RASGRF2: variants seen among roughly 807,000 people sequenced by gnomAD.
RASGRF2 encodes the protein Ras protein specific guanine nucleotide releasing factor 2.
Under a neutral mutation model 151.0 loss-of-function variants are expected in RASGRF2, and 76 were observed. The observed-to-expected ratio is 0.50, with a 90% confidence interval of 0.42 to 0.61. The LOEUF (loss-of-function observed/expected upper bound fraction) is 0.61, where lower values mean the gene tolerates loss of function less well. Among genes scored for constraint, RASGRF2 ranks in the 20% least tolerant of loss-of-function variants. RASGRF2 has a pLI of 0.00. For missense variants in RASGRF2, 1,148 were observed against 1,564.6 expected (o/e 0.73, Z 4.49); for synonymous variants, 504 against 566.5 (o/e 0.89, Z 1.57).
intron 2 of RASGRF2, among the ~76,000 whole-genome samples, chr5:81,063,152 G>A (rs1052125959): frequency 2.0e-5 from 3 of 152,078 alleles, no homozygotes; most frequent in African/African-American, 7.2e-5. Flanking sequence ...TTACCAAGAT[G>A]TATCAGAGTA....
At chr5:81,212,214 CTT>C in intron 22 of RASGRF2, 150 bp from the exon 23 acceptor site, 1 of 573,112 alleles carries the variant, frequency 1.7e-6, no homozygotes, top group Non-Finnish European at 3.1e-6. Flanking sequence ...ACTTTAGTCT[CTT>C]TAGAAAGTTG....
intron 18 of RASGRF2, among the ~76,000 whole-genome samples, chr5:81,197,319 G>A (rs1027648240): frequency 2.0e-5 from 3 of 150,960 alleles, no homozygotes; most frequent in East Asian, 1.9e-4. Flanking sequence ...AGCCGGGCGC[G>A]GTGGCGGGCG....
At chr5:81,016,420 T>G (rs1327167517) in intron 1 of RASGRF2, among the ~76,000 whole-genome samples, 1 of 152,236 alleles carries the variant, frequency 6.6e-6, no homozygotes, top group Non-Finnish European at 1.5e-5. Flanking sequence ...AAGAGCAACT[T>G]AATATATTAA....
intron 1 of RASGRF2, among the ~76,000 whole-genome samples, chr5:80,980,759 G>A (rs757961427): frequency 6.6e-6 from 1 of 152,204 alleles, no homozygotes; most frequent in Non-Finnish European, 1.5e-5. Context: ...TGTTCTAACT[G>A]TGATGTTTAG....
In RASGRF2 at chr5:81,003,254, A is replaced by C. The variant is rs560339575; in HGVS notation, c.289-39623A>C. Among the ~76,000 whole-genome samples, 48 of 119,806 alleles carry C rather than the reference A, an allele frequency of 4.0e-4. 1 individual carries two copies. In the East Asian group the frequency reaches 0.01, roughly 26 times the overall value. 78.6% of individuals were successfully genotyped at this position (119,806 alleles called of 152,430 possible). A position where few individuals can be genotyped will look rare whatever the true frequency, so the allele number is the denominator to read the frequency against. On this transcript the variant is annotated intron_variant, in intron 1 of 26. Coordinates refer to ENST00000265080, the MANE Select transcript of RASGRF2 (RefSeq NM_006909.3). ...TTTTTTTTTTTTGAGACGGAGTCTC[A>C]CTCTGTCGCCCAGGCTGGAGTGCAA...
intron 18 of RASGRF2, among the ~76,000 whole-genome samples, chr5:81,189,670 T>TAAA (rs1755111838): frequency 6.6e-6 from 1 of 150,806 alleles, no homozygotes; most frequent in African/African-American, 2.4e-5. Flanking sequence ...CAGATAATTT[T>TAAA]ATACAATCAC....
At chr5:81,104,371 C>T (rs995611167) in intron 12 of RASGRF2, among the ~76,000 whole-genome samples, 7 of 151,806 alleles carry the variant, frequency 4.6e-5, no homozygotes, top group Non-Finnish European at 8.8e-5. Flanking sequence ...GTCCTATATT[C>T]GTGAAGAGAG....
At chr5:81,015,448 A>G (rs769865830) in intron 1 of RASGRF2, among the ~76,000 whole-genome samples, 5 of 151,942 alleles carry the variant, frequency 3.3e-5, no homozygotes, top group Non-Finnish European at 5.9e-5. Context: ...CAGCTCAAAG[A>G]GCTATTTATA....
At chr5:81,159,365 T>C (rs1754330291) in intron 17 of RASGRF2, among the ~76,000 whole-genome samples, 2 of 152,256 alleles carry the variant, frequency 1.3e-5, no homozygotes, top group African/African-American at 4.8e-5. Context: ...TATGAATGCA[T>C]AGCTGTAGCT....
At chr5:80,994,442 T>C (rs1164899828) in intron 1 of RASGRF2, among the ~76,000 whole-genome samples, 1 of 151,096 alleles carries the variant, frequency 6.6e-6, no homozygotes, top group African/African-American at 2.4e-5. Context: ...CAAACAGAAA[T>C]GACGAGCTGA....
chr5:81,121,180 A>G (rs1753298879), intron 15 of RASGRF2, among the ~76,000 whole-genome samples: 1 of 152,168 alleles, frequency 6.6e-6, no homozygotes, highest in Non-Finnish European at 1.5e-5. Context: ...TTGAGTTGAC[A>G]AAGAAAAAGG....
chr5:81,021,532 G>T lies in RASGRF2; in HGVS notation c.289-21345G>T, dbSNP rs530321231. Reference sequence around the variant, plus strand: ...TAAAATAGTGCCATAGTAAAAGAGGGCTCACATGTTCTTGAGATTGTGCGA... The same window carrying T: ...TAAAATAGTGCCATAGTAAAAGAGGTCTCACATGTTCTTGAGATTGTGCGA... On this transcript the variant is annotated intron_variant, in intron 1 of 26. Transcript: ENST00000265080. Among the ~76,000 whole-genome samples, 4 of 150,784 alleles carry T rather than the reference G, an allele frequency of 2.7e-5. No homozygotes were observed. In the East Asian group the frequency reaches 5.9e-4, roughly 22 times the overall value.
chr5:81,089,537 A>ATTATT (rs1752332720), intron 9 of RASGRF2, among the ~76,000 whole-genome samples: 1 of 152,246 alleles, frequency 6.6e-6, no homozygotes, highest in Admixed American at 6.5e-5. Context: ...ATGGTTTCCC[A>ATTATT]TTATTAGTCT....
At chr5:81,087,659 C>A in intron 9 of RASGRF2, 1 of 428,974 alleles carries the variant, frequency 2.3e-6, no homozygotes, top group African/African-American at 2.0e-5. Flanking sequence ...ACGTAAACCA[C>A]ATCCCAAGTT....
At chr5:81,185,527 G>A (rs1470216074) in intron 18 of RASGRF2, among the ~76,000 whole-genome samples, 1 of 152,144 alleles carries the variant, frequency 6.6e-6, no homozygotes, top group African/African-American at 2.4e-5. Context: ...GACATTGCCA[G>A]GGTCAGGGGA....
intron 17 of RASGRF2, among the ~76,000 whole-genome samples, chr5:81,145,165 G>A (rs1753974327): frequency 6.6e-6 from 1 of 152,080 alleles, no homozygotes; most frequent in East Asian, 1.9e-4. Flanking sequence ...GGAGGTGGAG[G>A]TTGCAGTAAG....
chr5:81,131,674 T>G (rs897032379), intron 17 of RASGRF2, among the ~76,000 whole-genome samples: 22 of 149,764 alleles, frequency 1.5e-4, no homozygotes, highest in African/African-American at 5.5e-4. Flanking sequence ...TTTTCTTCCT[T>G]TAAAAGAAAA....
intron 1 of RASGRF2, among the ~76,000 whole-genome samples, chr5:81,024,540 G>A (rs1038780603): frequency 1.4e-4 from 22 of 152,044 alleles, no homozygotes; most frequent in East Asian, 1.9e-4. Context: ...GATTACAGGC[G>A]TGAGCCACAA....
At chr5:81,100,158 C>T (rs553454309) in intron 12 of RASGRF2, among the ~76,000 whole-genome samples, 60 of 152,212 alleles carry the variant, frequency 3.9e-4, no homozygotes, top group Admixed American at 1.6e-3. Context: ...CCACCCGCCT[C>T]GGCCTTCCAA....
Sources: gnomAD v4.1 joint callset for allele counts (sites outside exome capture counted in the v4.1 genomes callset) on GRCh38, gnomAD v4.1.1 for gene constraint, MANE v1.5 for transcripts, NCBI Gene and HGNC (gene_info 2026-07-23, HGNC 2026-07-21) for gene names.